Variants in FAR2 observed in about 807,000 individuals in gnomAD.
FAR2 encodes the protein fatty acyl-CoA reductase 2.
In FAR2, 19 loss-of-function variants were observed where a neutral mutation model predicts 56.0. The observed-to-expected ratio is 0.34, with a 90% CI of 0.24 to 0.50. FAR2 has a LOEUF of 0.50. Among genes scored for constraint, FAR2 ranks in the 20% least tolerant of loss-of-function variants. The pLI is 0.98. For synonymous variants in FAR2, 219 were observed against 218.8 expected (o/e 1.00, Z -0.01); for missense variants, 508 against 642.2 (o/e 0.79, Z 2.26).
intron 1 of FAR2, among the ~76,000 whole-genome samples, chr12:29,172,402 T>G (rs1949896518): frequency 6.6e-6 from 1 of 152,160 alleles, no homozygotes. Flanking sequence ...AAAAATAAAG[T>G]GTCCTTGCAA....
intron 1 of FAR2, among the ~76,000 whole-genome samples, chr12:29,234,439 C>G (rs968225223): frequency 1.3e-5 from 2 of 152,102 alleles, no homozygotes; most frequent in African/African-American, 2.4e-5. Context: ...TTGCCTTCTT[C>G]TTATTAAATT....
In FAR2 at chr12:29,333,678, G is replaced by T. The variant is rs377604506; in HGVS notation, c.1432G>T (p.Ala478Ser). Residue 478 changes from alanine to serine, a missense_variant, in exon 12 of 12, where the codon GCC becomes TCC. Ala to Ser is a moderately conservative substitution (Grantham distance 99). Coordinates refer to ENST00000536681, the MANE Select transcript of FAR2 (RefSeq NM_001271783.2). ...YLFNTALFLI[A>S]WRLLIARSQM... The stretch of plus-strand genomic sequence containing the variant: ...CTTTAATACTGCCCTCTTCCTTATC[G>T]CCTGGCGCCTTCTCATTGCAAGATC... 6 of 1,613,638 alleles carry T rather than the reference G, an allele frequency of 3.7e-6. No homozygotes were observed. The highest frequency in any genetic ancestry group is 1.1e-5 in the South Asian group (1 of 91,034).
chr12:29,173,964 T>G (rs1318198766), intron 1 of FAR2, among the ~76,000 whole-genome samples: 1 of 152,010 alleles, frequency 6.6e-6, no homozygotes, highest in East Asian at 1.9e-4. Context: ...CTGAGGAAGG[T>G]CAGATTTAGT....
chr12:29,295,830 G>A (rs1217279788), intron 3 of FAR2, among the ~76,000 whole-genome samples: 2 of 141,866 alleles, frequency 1.4e-5, no homozygotes, highest in African/African-American at 2.6e-5. Flanking sequence ...CTGCAGTGGC[G>A]CAATCTCGGC....
At chr12:29,319,427 G>A (rs1328682728) in intron 9 of FAR2, among the ~76,000 whole-genome samples, 1 of 152,142 alleles carries the variant, frequency 6.6e-6, no homozygotes, top group African/African-American at 2.4e-5. Context: ...TGCTGGAGGG[G>A]CTGGACTTTC....
intron 1 of FAR2, among the ~76,000 whole-genome samples, chr12:29,203,712 T>A (rs1351748618): frequency 6.6e-6 from 1 of 151,860 alleles, no homozygotes; most frequent in African/African-American, 2.4e-5. Flanking sequence ...AGATGAAAAT[T>A]ATGTCGGCCG....
chr12:29,274,208 A>G (rs545084459), intron 2 of FAR2, among the ~76,000 whole-genome samples: 15 of 66,346 alleles, frequency 2.3e-4, no homozygotes, highest in Non-Finnish European at 3.5e-4. Context: ...CCCACCCCAC[A>G]ACAGGCCCCG....
intron 1 of FAR2, among the ~76,000 whole-genome samples, chr12:29,173,802 T>C (rs934250844): frequency 6.6e-6 from 1 of 152,058 alleles, no homozygotes; most frequent in Admixed American, 6.6e-5. Context: ...ACCCTGCTGA[T>C]CAGAATAGTT....
At chr12:29,206,937 C>A (rs1947483452) in intron 1 of FAR2, among the ~76,000 whole-genome samples, 1 of 151,990 alleles carries the variant, frequency 6.6e-6, no homozygotes. Flanking sequence ...AGGATGCCAC[C>A]AGCCGGGCAC....
intron 1 of FAR2, among the ~76,000 whole-genome samples, chr12:29,235,555 GATAA>G (rs763244314): frequency 4.6e-5 from 7 of 152,196 alleles, no homozygotes; most frequent in Non-Finnish European, 8.8e-5. Flanking sequence ...ATGGCAAGAA[GATAA>G]ATCTATAGCA....
chr12:29,287,618 TC>T (rs1948899417), intron 2 of FAR2, among the ~76,000 whole-genome samples: 1 of 107,418 alleles, frequency 9.3e-6, no homozygotes, highest in African/African-American at 3.8e-5. Flanking sequence ...TCATTTATTT[TC>T]CAAAAAAAAT....
chr12:29,258,708 C>T (rs967495059), intron 1 of FAR2, among the ~76,000 whole-genome samples: 23 of 152,202 alleles, frequency 1.5e-4, no homozygotes, highest in Non-Finnish European at 2.9e-4. Flanking sequence ...TGTATAGAGT[C>T]ATCCATATAC....
chr12:29,202,192 G>A (rs1313455109), intron 1 of FAR2, among the ~76,000 whole-genome samples: 1 of 151,972 alleles, frequency 6.6e-6, no homozygotes, highest in Non-Finnish European at 1.5e-5. Flanking sequence ...TACAAAGCAG[G>A]AAAATAGGGT....
chr12:29,272,743 C>T (rs1456934319), intron 2 of FAR2, among the ~76,000 whole-genome samples: 2 of 152,042 alleles, frequency 1.3e-5, no homozygotes, highest in African/African-American at 4.8e-5. Flanking sequence ...GCATTTTTTC[C>T]ATTGATTCTT....
chr12:29,230,612 A>T (rs75160669), intron 1 of FAR2, among the ~76,000 whole-genome samples: 7,661 of 152,052 alleles, frequency 0.05, 471 homozygotes, highest in African/African-American at 0.15. Flanking sequence ...ACTTAGAGGC[A>T]TTTACAATAA....
At chr12:29,215,823 A>G (rs2136633440) in intron 1 of FAR2, among the ~76,000 whole-genome samples, 1 of 152,186 alleles carries the variant, frequency 6.6e-6, no homozygotes, top group Middle Eastern at 3.4e-3. Flanking sequence ...AATATGTGAT[A>G]TGCACAAATT....
chr12:29,303,830 A>G (rs935374090), intron 4 of FAR2, among the ~76,000 whole-genome samples: 4 of 152,212 alleles, frequency 2.6e-5, no homozygotes, highest in African/African-American at 4.8e-5. Flanking sequence ...GTGTACTTTG[A>G]TATTAGCAGG....
intron 2 of FAR2, chr12:29,292,300 C>A (rs1948982655): frequency 6.6e-6 from 1 of 152,136 alleles, no homozygotes; most frequent in South Asian, 2.1e-4. Flanking sequence ...GAAGTCTTCA[C>A]AGGCCAAAGT....
intron 1 of FAR2, among the ~76,000 whole-genome samples, chr12:29,202,304 G>A (rs1189184906): frequency 6.6e-6 from 1 of 151,920 alleles, no homozygotes; most frequent in African/African-American, 2.4e-5. Flanking sequence ...TTTCTTTTTT[G>A]CAAGTAAAAT....
Sources: gnomAD v4.1 joint callset for allele counts (sites outside exome capture counted in the v4.1 genomes callset) on GRCh38, gnomAD v4.1.1 for gene constraint, MANE v1.5 for transcripts, NCBI Gene and HGNC (gene_info 2026-07-23, HGNC 2026-07-21) for gene names.